ANKS3: variants seen among roughly 807,000 people sequenced by gnomAD.
The protein encoded by ANKS3 is ankyrin repeat and sterile alpha motif domain containing 3, also known as ankyrin repeat and SAM domain-containing protein 3.
In ANKS3, 62 loss-of-function variants were observed where a neutral mutation model predicts 80.7. That is an observed-to-expected ratio of 0.77 (90% CI 0.63 to 0.95). The LOEUF (loss-of-function observed/expected upper bound fraction) is 0.95, where lower values mean the gene tolerates loss of function less well. Among genes scored for constraint, ANKS3 ranks in the 40% least tolerant of loss-of-function variants. The probability of loss-of-function intolerance (pLI) is 0.00; values close to 1 mark genes in which losing one functional copy is unlikely to be tolerated. For synonymous variants in ANKS3, 489 were observed against 355.3 expected, an observed-to-expected ratio of 1.38 and a Z score of -4.23; for missense variants, 1,150 against 883.6, an observed-to-expected ratio of 1.30 and a Z score of -3.82.
intron 8 of ANKS3, 146 bp from the exon 9 acceptor site, chr16:4,702,388 T>A (rs575828723): frequency 1.1e-6 from 1 of 879,590 alleles, no homozygotes; most frequent in Non-Finnish European, 1.6e-6. Context: ...ATCTGTGGTG[T>A]GTGGGTGGAA....
intron 9 of ANKS3, 63 bp from the exon 10 acceptor site, chr16:4,701,606 C>A: frequency 6.8e-7 from 1 of 1,463,462 alleles, no homozygotes; most frequent in Non-Finnish European, 9.2e-7. Context: ...CATGGGCGTG[C>A]CCCGGGCTGA....
chr16:4,721,686 TGGAGTG>T (rs1164451664), intron 6 of ANKS3, among the ~76,000 whole-genome samples: 2 of 151,234 alleles, frequency 1.3e-5, no homozygotes, highest in African/African-American at 2.4e-5. Flanking sequence ...TCACCCAGGC[TGGAGTG>T]CAGTGGCAAC....
intron 2 of ANKS3, among the ~76,000 whole-genome samples, chr16:4,731,065 T>C (rs547932984): frequency 9.2e-5 from 14 of 152,140 alleles, no homozygotes; most frequent in Non-Finnish European, 1.8e-4. Context: ...AACACGTGAA[T>C]GAATTTCAAA....
chr16:4,723,784 G>T (rs1027900437), intron 6 of ANKS3, among the ~76,000 whole-genome samples: 1 of 152,110 alleles, frequency 6.6e-6, no homozygotes, highest in African/African-American at 2.4e-5. Flanking sequence ...GTTCTGTGTG[G>T]ACAGGCTTGC....
rs1684585 is a variant in ANKS3, at chr16:4,708,832, A to C, written c.710-3579T>G. Among the ~76,000 whole-genome samples, 10 of 151,732 alleles carry C rather than the reference A, an allele frequency of 6.6e-5. No homozygotes were observed. In the East Asian group the frequency reaches 1.7e-3, roughly 27 times the overall value. Reference sequence around the variant, plus strand: ...GGGCACCCTGTAGTCCCAGCTACTCAAAAGGCTGAGGCAGGAGAATCGCTT... The same window carrying C: ...GGGCACCCTGTAGTCCCAGCTACTCCAAAGGCTGAGGCAGGAGAATCGCTT... On this transcript the variant is annotated intron_variant, in intron 7 of 17. Coordinates refer to ENST00000304283, the MANE Select transcript of ANKS3 (RefSeq NM_133450.4).
chr16:4,731,811 C>T (rs1301238924), intron 1 of ANKS3, among the ~76,000 whole-genome samples: 1 of 152,018 alleles, frequency 6.6e-6, no homozygotes, highest in Admixed American at 6.6e-5. Flanking sequence ...GGTGAGGTAA[C>T]ACTTTCCCCG....
chr16:4,713,030 G>A (rs1472598589), intron 7 of ANKS3, among the ~76,000 whole-genome samples: 1 of 152,182 alleles, frequency 6.6e-6, no homozygotes, highest in Admixed American at 6.6e-5. Context: ...AGCACTTTGG[G>A]AGGCTGAGAT....
chr16:4,728,255 C>T (rs2081454951), intron 3 of ANKS3, among the ~76,000 whole-genome samples: 1 of 152,196 alleles, frequency 6.6e-6, no homozygotes, highest in Non-Finnish European at 1.5e-5. Flanking sequence ...CCGTGTTAGC[C>T]AGGATGGTCT....
chr16:4,728,687 A>G (rs1019700633), intron 3 of ANKS3, among the ~76,000 whole-genome samples: 1 of 152,006 alleles, frequency 6.6e-6, no homozygotes, highest in African/African-American at 2.4e-5. Context: ...TAGTGTCAAA[A>G]TCCCATCACA....
Position 4,701,432 on chromosome 16 carries a change from A to C in ANKS3, c.1119+2T>G. The C allele has an allele frequency of 6.3e-7, 1 of 1,592,808 alleles. No individual in the cohort carries two copies. The highest frequency in any genetic ancestry group is 8.6e-7 in the Non-Finnish European group (1 of 1,167,718). ...GGAGACCAAGAAAGAAAGAATCCGTACCTCGTTGCTCTCCACAGAAGCTTC... is the reference window on the plus strand; with the variant it reads ...GGAGACCAAGAAAGAAAGAATCCGTCCCTCGTTGCTCTCCACAGAAGCTTC... On this transcript the variant is annotated splice_donor_variant, in intron 10 of 17. Coordinates refer to ENST00000304283, the MANE Select transcript of ANKS3 (RefSeq NM_133450.4). LOFTEE classifies it high-confidence loss of function.
chr16:4,705,288 C>G (rs1467330509), intron 7 of ANKS3, 35 bp from the exon 8 acceptor site: 3 of 1,597,442 alleles, frequency 1.9e-6, no homozygotes, highest in Non-Finnish European at 2.6e-6. Context: ...ATAGTGTGTT[C>G]AGTAATGGAC....
intron 3 of ANKS3, 29 bp from the exon 4 acceptor site, chr16:4,727,206 G>A (rs1283256573): frequency 6.2e-7 from 1 of 1,609,278 alleles, no homozygotes; most frequent in Non-Finnish European, 8.5e-7. Context: ...TGCTAGACAT[G>A]GCCAGCCGCC....
At chr16:4,700,788 T>G in intron 11 of ANKS3, 182 bp downstream of exon 11, 1 of 848,276 alleles carries the variant, frequency 1.2e-6, no homozygotes, top group South Asian at 1.3e-5. Flanking sequence ...GTAGAAGCGC[T>G]GCAGCGGGGC....
At chr16:4,703,275 G>T (rs1459325519) in intron 8 of ANKS3, among the ~76,000 whole-genome samples, 5 of 152,082 alleles carry the variant, frequency 3.3e-5, no homozygotes, top group Non-Finnish European at 5.9e-5. Flanking sequence ...ACCATATCTG[G>T]CTAATTTTCA....
In ANKS3 at chr16:4,721,967, T is replaced by C. The variant is rs1399136349; in HGVS notation, c.573+2783A>G. 2.6e-5 allele frequency among the ~76,000 whole-genome samples: 4 copies of C among 151,322 alleles called. No individual in the cohort carries two copies. In the East Asian group the frequency reaches 7.8e-4, roughly 29 times the overall value. The stretch of plus-strand genomic sequence containing the variant: ...CTTTATACACCAATATAGAAAAATC[T>C]TCATGATTAAGTTTTTTAAAAAATG... On this transcript the variant is annotated intron_variant, in intron 6 of 17. Coordinates refer to ENST00000304283, the MANE Select transcript of ANKS3 (RefSeq NM_133450.4).
At chr16:4,727,635 T>C (rs62036063) in intron 3 of ANKS3, 1 of 208,860 alleles carries the variant, frequency 4.8e-6, no homozygotes, top group Admixed American at 5.2e-5. Context: ...TGAAAAACCC[T>C]GACCACCACA....
At chr16:4,714,016 G>C in intron 7 of ANKS3, 35 bp downstream of exon 7, 9 of 1,608,502 alleles carry the variant, frequency 5.6e-6, no homozygotes, top group African/African-American at 2.7e-5. Context: ...GGCAACCAGA[G>C]ACCCCAGCAG....
chr16:4,721,034 G>C (rs1434926395), intron 6 of ANKS3, among the ~76,000 whole-genome samples: 1 of 149,718 alleles, frequency 6.7e-6, no homozygotes, highest in Admixed American at 6.7e-5. Flanking sequence ...GGCCAGGCAC[G>C]GTGGCTCACG....
At chr16:4,720,148 C>G (rs1345910593) in intron 6 of ANKS3, among the ~76,000 whole-genome samples, 1 of 115,566 alleles carries the variant, frequency 8.7e-6, no homozygotes. Flanking sequence ...GGGGACAGAG[C>G]AAGACCCCAC....
Sources: allele counts gnomAD v4.1 joint callset (sites outside exome capture counted in the v4.1 genomes callset), GRCh38; gene constraint gnomAD v4.1.1; transcripts MANE v1.5; gene names NCBI Gene and HGNC (gene_info 2026-07-23, HGNC 2026-07-21).